The following ZIC4 variants were observed in gnomAD, a reference collection of about 807,000 sequenced individuals.
ZIC4 encodes the protein zinc finger protein ZIC 4.
Under a neutral mutation model 28.8 loss-of-function variants are expected in ZIC4, and 15 were observed. The ratio of observed to expected loss-of-function variants is 0.52; its 90% CI spans 0.35 to 0.80. The LOEUF is 0.80. Ranked by LOEUF, ZIC4 falls within the 30% of genes least tolerant of loss-of-function variation. The probability of loss-of-function intolerance (pLI) is 0.01; values close to 1 mark genes in which losing one functional copy is unlikely to be tolerated. For missense variants in ZIC4, 512 were observed against 467.1 expected, an observed-to-expected ratio of 1.10 and a Z score of -0.89; for synonymous variants, 220 against 198.1, an observed-to-expected ratio of 1.11 and a Z score of -0.93.
intron 3 of ZIC4, chr3:147,392,286 A>G: frequency 1.0e-6 from 1 of 985,686 alleles, no homozygotes; most frequent in Non-Finnish European, 1.2e-6. Flanking sequence ...CGCAGCCCGG[A>G]GGGCCACCAG....
chr3:147,397,421 A>C (rs1241012298), intron 2 of ZIC4, among the ~76,000 whole-genome samples: 55 of 102,628 alleles, frequency 5.4e-4, no homozygotes, highest in South Asian at 1.1e-3. Flanking sequence ...CCCTCACCCC[A>C]CCCCCACAGC....
rs2107964792 is a variant in ZIC4, at chr3:147,390,989, T to C, written c.946A>G (p.Lys316Glu). 2 of 1,613,160 alleles carry C rather than the reference T, an allele frequency of 1.2e-6. No individual in the cohort carries two copies. The highest frequency in any genetic ancestry group is 1.7e-6 in the Non-Finnish European group (2 of 1,179,802). The change falls in exon 4 of 5, where the codon AAG (lysine) becomes GAG (glutamate). Residue 316 changes from lysine to glutamate, a missense_variant. Physicochemically the swap from Lys to Glu is moderately conservative, Grantham distance 56. Around this residue, in one of 3 missense-constraint regions of ZIC4, gnomAD observed 144 missense variants for 116.8 expected, o/e 1.23. Transcript: ENST00000383075. ...GCCGCCGAGGAGGCCACCTGGGACT[T>C]GTGGCCGCAGTCCGACGAGGGCGAC... ...LVSPSSDCGH[K>E]SQVASSAAVA... is the part of the protein sequence containing the mutation.
chr3:147,392,632 C>T (rs2086950940), intron 3 of ZIC4: 1 of 174,284 alleles, frequency 5.7e-6, no homozygotes, highest in South Asian at 1.9e-4. Flanking sequence ...AGAACTGTTG[C>T]CTTTGTAGTT....
chr3:147,395,392 C>T (rs1395825234), intron 3 of ZIC4, among the ~76,000 whole-genome samples: 3 of 152,118 alleles, frequency 2.0e-5, no homozygotes, highest in Non-Finnish European at 2.9e-5. Context: ...ACCCCCAACT[C>T]CTAAAGAAGG....
chr3:147,389,148 A>T (rs2086855903), intron 4 of ZIC4: 1 of 461,140 alleles, frequency 2.2e-6, no homozygotes, highest in Admixed American at 3.9e-5. Flanking sequence ...CTATTGTATT[A>T]GGTGTAGGCA....
intron 3 of ZIC4, 129 bp downstream of exon 3, chr3:147,395,723 A>T: frequency 7.2e-7 from 1 of 1,384,960 alleles, no homozygotes; most frequent in Non-Finnish European, 9.8e-7. Flanking sequence ...TTAATATTTT[A>T]TGGCCTTGGC....
intron 3 of ZIC4, among the ~76,000 whole-genome samples, chr3:147,393,238 G>A (rs1183389696): frequency 6.6e-6 from 1 of 152,044 alleles, no homozygotes; most frequent in Non-Finnish European, 1.5e-5. Flanking sequence ...CAGACGAGGA[G>A]CAGAGGAGAA....
At chr3:147,392,018 C>G (rs1480776391) in intron 3 of ZIC4, 2 of 985,414 alleles carry the variant, frequency 2.0e-6, no homozygotes, top group African/African-American at 3.5e-5. Context: ...AATAATATTT[C>G]ATTACGCTGC....
chr3:147,396,379 G>C lies in ZIC4; in HGVS notation c.161C>G (p.Ser54Cys). The C allele has an allele frequency of 6.5e-7, 1 of 1,531,804 alleles. No individual in the cohort carries two copies. The allele number at this position is 1,531,804 out of a possible 1,614,324, so 94.9% of individuals were successfully genotyped here. Residue 54 changes from serine to cysteine, a missense_variant, in exon 3 of 5, where the codon TCC (serine) becomes TGC (cysteine). Ser to Cys is a moderately radical substitution (Grantham distance 112). This residue lies in a region of ZIC4 where 310 missense variants were observed against 256.5 expected (regional missense o/e 1.21). Coordinates refer to ENST00000383075, the MANE Select transcript of ZIC4 (RefSeq NM_032153.6). The surrounding 1 kb of genome is among the most constrained non-coding windows in gnomAD (Gnocchi z 4.2). Reference protein sequence around the residue: ...PGLHEEPPQASPSRPLNGLLR... With the variant: ...PGLHEEPPQACPSRPLNGLLR... ...GAGTCCATTCAAAGGACGGCTGGGG[G>C]AGGCCTGGGGAGGCTCCTCGTGGAG...
chr3:147,402,867 G>A (rs2087197936), intron 1 of ZIC4, 55 bp from the exon 2 acceptor site: 1 of 1,445,668 alleles, frequency 6.9e-7, no homozygotes. Context: ...ACACGTCTGT[G>A]TGGCAACATC....
At position 147,403,025 on chromosome 3, in the gene ZIC4, C is replaced by T. The variant is rs1472460758; in HGVS notation, c.-15-213G>A. ...AATGATATATCTTTGGTGATAAAAA[C>T]ATTGAAAAATTATAATTTCCCAGCT... On this transcript the variant is annotated intron_variant, in intron 1 of 4. Coordinates refer to ENST00000383075, the MANE Select transcript of ZIC4 (RefSeq NM_032153.6). Among the ~76,000 whole-genome samples, 4 of 152,192 alleles carry T rather than the reference C, an allele frequency of 2.6e-5. No individual in the cohort carries two copies. In the East Asian group the frequency reaches 5.8e-4, roughly 22 times the overall value.
chr3:147,392,024 G>C (rs1435073157), intron 3 of ZIC4: 6 of 985,318 alleles, frequency 6.1e-6, no homozygotes, highest in Non-Finnish European at 7.2e-6. Context: ...ATTTCATTAC[G>C]CTGCTCCAGA....
rs754909718 is a variant in ZIC4 at position 147,396,125 on chromosome 3, C to T, written c.415G>A (p.Ala139Thr). Residue 139 changes from alanine to threonine, a missense_variant, in exon 3 of 5, where the codon GCG becomes ACG. Physicochemically the swap from Ala to Thr is moderately conservative, Grantham distance 58 (BLOSUM62 0). This residue lies in a region of ZIC4 where 310 missense variants were observed against 256.5 expected (regional missense o/e 1.21). Coordinates refer to ENST00000383075, the MANE Select transcript of ZIC4 (RefSeq NM_032153.6). The surrounding 1 kb of genome is among the most constrained non-coding windows in gnomAD (Gnocchi z 4.2). ...GTTTTGGAGCAGAGGCTCGGGGTCGCGGTGCCGTCGGCCGCCAGCCACTTG... is the reference window on the plus strand; with the variant it reads ...GTTTTGGAGCAGAGGCTCGGGGTCGTGGTGCCGTCGGCCGCCAGCCACTTG... ...ICKWLAADGT[A>T]TPSLCSKTFS... 10 of 1,613,658 alleles carry T rather than the reference C, an allele frequency of 6.2e-6. No individual in the cohort carries two copies. In the South Asian group the frequency reaches 7.7e-5, roughly 12 times the overall value.
intron 3 of ZIC4, among the ~76,000 whole-genome samples, chr3:147,395,504 A>T (rs2087020215): frequency 6.6e-6 from 1 of 152,074 alleles, no homozygotes; most frequent in South Asian, 2.1e-4. Flanking sequence ...GAAAAAAGTT[A>T]GACAGCTGTT....
chr3:147,405,263 A>G (rs2087249684), intron 1 of ZIC4: 3 of 1,072,704 alleles, frequency 2.8e-6, no homozygotes, highest in South Asian at 3.3e-5. Context: ...CTCCCTTTGA[A>G]TCACCCCTCC....
At chr3:147,405,588 C>G in intron 1 of ZIC4, 1 of 1,082,306 alleles carries the variant, frequency 9.2e-7, no homozygotes, top group Non-Finnish European at 1.4e-6. Context: ...GGCTAGGGGC[C>G]AGAATCCTAG....
At position 147,402,748 on chromosome 3, in the gene ZIC4, C is replaced by CGGTAAA. The variant is rs2087192559; in HGVS notation, c.44_49dup (p.Leu15_Tyr16dup). On this transcript the variant is annotated inframe_insertion, in exon 2 of 5. Coordinates refer to ENST00000383075, the MANE Select transcript of ZIC4 (RefSeq NM_032153.6). ...CTTACTTGACTCTTTAAGAGTGTTT[C>CGGTAAA]GGTAAAGCCGTAATCGTTTCCTCAT... is the stretch of plus-strand genomic sequence containing the variant. 1 of 1,613,152 alleles carries CGGTAAA rather than the reference C, an allele frequency of 6.2e-7. No individual in the cohort carries two copies. The highest frequency in any genetic ancestry group is 8.5e-7 in the Non-Finnish European group (1 of 1,179,714).
intron 1 of ZIC4, chr3:147,405,546 T>C (rs2087256942): frequency 1.4e-6 from 2 of 1,459,950 alleles, no homozygotes; most frequent in Admixed American, 3.9e-5. Context: ...TCCCTCCTCA[T>C]TGGCCCCTAA....
chr3:147,405,594 C>T (rs1576466334), intron 1 of ZIC4: 1 of 1,011,178 alleles, frequency 9.9e-7, no homozygotes, highest in East Asian at 2.6e-5. Flanking sequence ...GGGCCAGAAT[C>T]CTAGGAGCTG....
Sources: gnomAD v4.1 joint callset for allele counts (sites outside exome capture counted in the v4.1 genomes callset) on GRCh38, gnomAD v4.1.1 for gene constraint, gnomAD v4.1.1 regional missense constraint, Gnocchi (gnomAD v3.1) non-coding constraint, MANE v1.5 for transcripts, NCBI Gene and HGNC (gene_info 2026-07-23, HGNC 2026-07-21) for gene names.